The following SDK2 variants were observed in gnomAD, a reference collection of about 807,000 sequenced individuals.
SDK2 encodes the protein sidekick cell adhesion molecule 2, also known as protein sidekick-2.
Under a neutral mutation model 253.9 loss-of-function variants are expected in SDK2, and 105 were observed. The ratio of observed to expected loss-of-function variants is 0.41; its 90% CI spans 0.35 to 0.49. SDK2 has a LOEUF of 0.49. SDK2 is among the 20% of genes least tolerant of loss of function. SDK2 has a pLI of 0.06. For missense variants in SDK2, 2,608 were observed against 3,003.0 expected (o/e 0.87, Z 3.07); for synonymous variants, 1,249 against 1,234.9 (o/e 1.01, Z -0.24).
At chr17:73,516,929 C>G (rs181858380) in intron 1 of SDK2, 1 of 152,326 alleles carries the variant, frequency 6.6e-6, no homozygotes, top group East Asian at 1.9e-4. Flanking sequence ...TGACATGGCC[C>G]CAGGGAATCA....
At chr17:73,604,534 C>T (rs1393938240) in intron 1 of SDK2, among the ~76,000 whole-genome samples, 1 of 152,258 alleles carries the variant, frequency 6.6e-6, no homozygotes, top group Non-Finnish European at 1.5e-5. Context: ...TCTCCACTGC[C>T]ACCTCCTGTT....
In SDK2 at chr17:73,576,679, G is replaced by A. The variant is rs566053202; in HGVS notation, c.64+67346C>T. 1.6e-4 allele frequency among the ~76,000 whole-genome samples: 25 copies of A among 152,312 alleles called. No individual in the cohort carries two copies. In the South Asian group the frequency reaches 2.5e-3, roughly 15 times the overall value. On this transcript the variant is annotated intron_variant, in intron 1 of 44. Coordinates refer to ENST00000392650, the MANE Select transcript of SDK2 (RefSeq NM_001144952.2). The stretch of plus-strand genomic sequence containing the variant: ...ATGTAAAAGGAACCTCGTGATCACA[G>A]GTGTAGTACACTCCCCCAGAGAGGC...
chr17:73,486,702 G>C (rs904510631), intron 2 of SDK2, among the ~76,000 whole-genome samples: 4 of 151,986 alleles, frequency 2.6e-5, no homozygotes, highest in African/African-American at 9.7e-5. Context: ...CCTGTACCCA[G>C]TGGAGTGCAG....
chr17:73,490,134 G>A (rs2063795810), intron 2 of SDK2, among the ~76,000 whole-genome samples: 1 of 152,276 alleles, frequency 6.6e-6, no homozygotes, highest in African/African-American at 2.4e-5. Flanking sequence ...TGCTCTCTGG[G>A]GTTGCGTTCT....
rs2063328721 is a variant in SDK2 at position 73,431,844 on chromosome 17, T to C, written c.1313-175A>G. Among the ~76,000 whole-genome samples, 1 of 152,078 alleles carries C rather than the reference T, an allele frequency of 6.6e-6. No individual in the cohort carries two copies. Among genetic ancestry groups the C allele is most frequent in the Non-Finnish European group, 1.5e-5 (1 of 67,998 alleles). On this transcript the variant is annotated intron_variant, in intron 10 of 44. Coordinates refer to ENST00000392650, the MANE Select transcript of SDK2 (RefSeq NM_001144952.2). This position sits in a 1 kb window ranked among gnomAD's most constrained non-coding sequence, Gnocchi z 5.6. ...GTGGGGGCTGAGAGACCTGGAGAGC[T>C]TTCTGGCTTAGGGACGGACACGAGG...
chr17:73,466,066 G>A (rs1453721854), intron 3 of SDK2, among the ~76,000 whole-genome samples: 1 of 152,144 alleles, frequency 6.6e-6, no homozygotes, highest in Non-Finnish European at 1.5e-5. Flanking sequence ...GATTTAAGGA[G>A]GCACCCACTC....
chr17:73,338,826 T>C lies in SDK2; in HGVS notation c.6280A>G (p.Ile2094Val). The change falls in exon 45 of 45, where the codon ATC becomes GTC. Residue 2094 changes from isoleucine (I) to valine (V), a missense_variant. Physicochemically the swap from Ile to Val is conservative, Grantham distance 29. Coordinates refer to ENST00000392650, the MANE Select transcript of SDK2 (RefSeq NM_001144952.2). The surrounding 1 kb of genome is among the most constrained non-coding windows in gnomAD (Gnocchi z 5.0). ...TAGCTGTAGGCCTGTGCCCTCGAGA[T>C]GCCCTTCTGCTGTCGCCGCCACGAG... ...YNSWRRQQKGISRAQAYSYTE... is the reference protein window; with the variant it reads ...YNSWRRQQKGVSRAQAYSYTE... 1 of 1,614,012 alleles carries C rather than the reference T, an allele frequency of 6.2e-7. No homozygotes were observed. The highest frequency in any genetic ancestry group is 8.5e-7 in the Non-Finnish European group (1 of 1,179,892).
At chr17:73,448,708 T>C (rs1169872436) in intron 4 of SDK2, among the ~76,000 whole-genome samples, 3 of 150,890 alleles carry the variant, frequency 2.0e-5, no homozygotes, top group African/African-American at 7.3e-5. Flanking sequence ...TTACCCAGGC[T>C]GAAGTGCAAT....
At chr17:73,537,296 G>T (rs1178918342) in intron 1 of SDK2, among the ~76,000 whole-genome samples, 1 of 152,146 alleles carries the variant, frequency 6.6e-6, no homozygotes, top group Non-Finnish European at 1.5e-5. Flanking sequence ...GTTAACGAGG[G>T]AGATAAACGG....
intron 3 of SDK2, among the ~76,000 whole-genome samples, chr17:73,466,816 G>T (rs2063603405): frequency 2.0e-5 from 3 of 151,032 alleles, no homozygotes; most frequent in Admixed American, 6.6e-5. Context: ...GACCCTGAAG[G>T]TCACTTTAAC....
At chr17:73,416,889 A>G (rs1283554076) in intron 16 of SDK2, among the ~76,000 whole-genome samples, 1 of 152,168 alleles carries the variant, frequency 6.6e-6, no homozygotes, top group Non-Finnish European at 1.5e-5. Flanking sequence ...ATGCCCAGCT[A>G]CACAGAGTTT....
chr17:73,510,669 T>G (rs964878723), intron 1 of SDK2, among the ~76,000 whole-genome samples: 1 of 152,102 alleles, frequency 6.6e-6, no homozygotes, highest in East Asian at 1.9e-4. Context: ...AACTTTTGTA[T>G]TTTTAGTAGA....
chr17:73,339,032 A>C, intron 44 of SDK2, 92 bp from the exon 45 acceptor site: 1 of 1,112,888 alleles, frequency 9.0e-7, no homozygotes, highest in Non-Finnish European at 1.3e-6. Flanking sequence ...TCTGGTTCAA[A>C]ACTCTGCTCT....
At chr17:73,487,442 A>G (rs1057138723) in intron 2 of SDK2, among the ~76,000 whole-genome samples, 3 of 152,188 alleles carry the variant, frequency 2.0e-5, no homozygotes, top group Admixed American at 6.5e-5. Flanking sequence ...GACTGGGTCC[A>G]CTGGCTGGGG....
At chr17:73,597,525 C>T (rs187579759) in intron 1 of SDK2, among the ~76,000 whole-genome samples, 40 of 152,302 alleles carry the variant, frequency 2.6e-4, no homozygotes, top group Non-Finnish European at 4.3e-4. Flanking sequence ...TGGACATTAC[C>T]GTCCTGTCTC....
At chr17:73,408,179 G>C (rs2063096035) in intron 18 of SDK2, among the ~76,000 whole-genome samples, 1 of 149,920 alleles carries the variant, frequency 6.7e-6, no homozygotes. Flanking sequence ...AGCCTCCCGA[G>C]TAGCTGAGAT....
intron 18 of SDK2, among the ~76,000 whole-genome samples, chr17:73,410,950 A>G (rs2063120945): frequency 6.6e-6 from 1 of 152,120 alleles, no homozygotes; most frequent in East Asian, 1.9e-4. Context: ...AAAAGTTTGT[A>G]GCTCAGCCCT....
chr17:73,373,499 T>C lies in SDK2; in HGVS notation c.4981-4906A>G, dbSNP rs1395657109. Among the ~76,000 whole-genome samples the C allele has an allele frequency of 3.3e-5, 5 of 152,162 alleles. No homozygotes were observed. In the East Asian group the frequency reaches 9.6e-4, roughly 29 times the overall value. ...CACCAACAGCGTGCAAAGGTTCCCT[T>C]TTCCCCATACGCTTACCACCACTTA... is the stretch of plus-strand genomic sequence containing the variant. On this transcript the variant is annotated intron_variant, in intron 36 of 44. Transcript: ENST00000392650.
rs10633523 is a variant in SDK2 at position 73,559,598 on chromosome 17, G to GCCCCCCCCCCCC, written c.65-52002_65-52001insGGGGGGGGGGGG. Among the ~76,000 whole-genome samples, 13 of 122,170 alleles carry GCCCCCCCCCCCC rather than the reference G, an allele frequency of 1.1e-4. 1 individual carries two copies. The highest frequency in any genetic ancestry group is 3.7e-4 in the African/African-American group (9 of 24,482). The allele number at this position is 122,170 out of a possible 152,430, so 80.1% of individuals were successfully genotyped here. The stretch of plus-strand genomic sequence containing the variant: ...CGCCACTCCCCACTCCGCTCCCTGT[G>GCCCCCCCCCCCC]CCCCCCGCCCCCGCCACCATACCAC... On this transcript the variant is annotated intron_variant, in intron 1 of 44. Coordinates refer to ENST00000392650, the MANE Select transcript of SDK2 (RefSeq NM_001144952.2).
Sources: gnomAD v4.1 joint callset for allele counts (sites outside exome capture counted in the v4.1 genomes callset) on GRCh38, gnomAD v4.1.1 for gene constraint, Gnocchi (gnomAD v3.1) non-coding constraint, MANE v1.5 for transcripts, NCBI Gene and HGNC (gene_info 2026-07-23, HGNC 2026-07-21) for gene names.